The following DLGAP2 variants were observed in gnomAD, a reference collection of about 807,000 sequenced individuals.
DLGAP2 encodes the protein disks large-associated protein 2.
In DLGAP2, 26 loss-of-function variants were observed where a neutral mutation model predicts 100.3. The ratio of observed to expected loss-of-function variants is 0.26; its 90% CI spans 0.19 to 0.36. The LOEUF is 0.36. Among genes scored for constraint, DLGAP2 ranks in the 10% least tolerant of loss-of-function variants. The pLI, the probability that DLGAP2 is intolerant of heterozygous loss-of-function variation, is 1.00. For missense variants in DLGAP2, 1,858 were observed against 1,453.2 expected, an observed-to-expected ratio of 1.28 and a Z score of -4.53; for synonymous variants, 886 against 630.1, an observed-to-expected ratio of 1.41 and a Z score of -6.08.
rs879780945 is a variant in DLGAP2, at chr8:1,170,849, A to G, written c.74-88002A>G. 1.1e-3 allele frequency among the ~76,000 whole-genome samples: 152 copies of G among 144,494 alleles called. No homozygotes were observed. In the East Asian group the frequency reaches 0.02, roughly 19 times the overall value. The allele number at this position is 144,494 out of a possible 152,430, so 94.8% of individuals were successfully genotyped here. ...CAAAAAACCAGCTCCTGGATTCATT[A>G]ATTTTTTGAAGGGTTTTTTGTGTCT... On this transcript the variant is annotated intron_variant, in intron 2 of 14. Coordinates refer to ENST00000637795, the MANE Select transcript of DLGAP2 (RefSeq NM_001346810.2).
At chr8:883,668 C>T (rs1041017967) in intron 1 of DLGAP2, among the ~76,000 whole-genome samples, 21 of 148,282 alleles carry the variant, frequency 1.4e-4, no homozygotes, top group African/African-American at 5.5e-4. Flanking sequence ...TACGTAGGTG[C>T]GCGTGTGCCG....
chr8:1,039,084 C>T (rs1447651314), intron 2 of DLGAP2, among the ~76,000 whole-genome samples: 1 of 152,316 alleles, frequency 6.6e-6, no homozygotes, highest in East Asian at 1.9e-4. Context: ...TGGAAACAAT[C>T]ACCTCATTGG....
chr8:1,098,520 G>A (rs1280124076), intron 2 of DLGAP2, among the ~76,000 whole-genome samples: 1 of 152,114 alleles, frequency 6.6e-6, no homozygotes, highest in East Asian at 1.9e-4. Flanking sequence ...TGTTTGTTGG[G>A]CTTCAGGGAG....
At chr8:1,378,477 C>G (rs1233379210) in intron 3 of DLGAP2, among the ~76,000 whole-genome samples, 1 of 151,712 alleles carries the variant, frequency 6.6e-6, no homozygotes, top group Non-Finnish European at 1.5e-5. Context: ...GCCTGTCCAT[C>G]CTGCACACAC....
chr8:873,041 A>T (rs1357683753), intron 1 of DLGAP2, among the ~76,000 whole-genome samples: 1 of 152,226 alleles, frequency 6.6e-6, no homozygotes, highest in Non-Finnish European at 1.5e-5. Context: ...GCATGTATGC[A>T]TGTGTAGTAT....
At chr8:1,312,676 G>A (rs1047152534) in intron 3 of DLGAP2, among the ~76,000 whole-genome samples, 1 of 152,108 alleles carries the variant, frequency 6.6e-6, no homozygotes, top group Non-Finnish European at 1.5e-5. Flanking sequence ...TATGTCATCT[G>A]TACCAGAATA....
chr8:961,957 A>T (rs750784595), intron 2 of DLGAP2, among the ~76,000 whole-genome samples: 1 of 152,232 alleles, frequency 6.6e-6, no homozygotes, highest in African/African-American at 2.4e-5. Context: ...TATTTTCTCC[A>T]GCGTCATCAT....
At chr8:1,218,856 T>C (rs1798262747) in intron 2 of DLGAP2, among the ~76,000 whole-genome samples, 1 of 152,188 alleles carries the variant, frequency 6.6e-6, no homozygotes, top group Admixed American at 6.5e-5. Context: ...TGGTTAGCTG[T>C]ATTCCTAGGA....
chr8:1,009,581 A>G (rs4410933), intron 2 of DLGAP2, among the ~76,000 whole-genome samples: 55,300 of 152,080 alleles, frequency 0.36, 10,217 homozygotes, highest in Admixed American at 0.4. Flanking sequence ...TCATAGTGGA[A>G]GTGGATGGAG....
At chr8:1,022,032 G>A (rs904687877) in intron 2 of DLGAP2, among the ~76,000 whole-genome samples, 1 of 152,176 alleles carries the variant, frequency 6.6e-6, no homozygotes, top group Non-Finnish European at 1.5e-5. Flanking sequence ...CTTGCAAAGG[G>A]GTGAGTTGTA....
At chr8:780,432 G>C (rs561386116) in intron 1 of DLGAP2, among the ~76,000 whole-genome samples, 40 of 152,342 alleles carry the variant, frequency 2.6e-4, no homozygotes, top group Admixed American at 8.5e-4. Context: ...ATTGTGAGTA[G>C]TGACTGTGCA....
chr8:950,693 C>G (rs1799457226), intron 2 of DLGAP2, among the ~76,000 whole-genome samples: 1 of 147,624 alleles, frequency 6.8e-6, no homozygotes, highest in African/African-American at 2.5e-5. Context: ...ACGATCTTGG[C>G]TCACTGCAAC....
chr8:944,568 T>C (rs1468068030), intron 2 of DLGAP2, among the ~76,000 whole-genome samples: 1 of 149,996 alleles, frequency 6.7e-6, no homozygotes, highest in Non-Finnish European at 1.5e-5. Flanking sequence ...ACCCAGTGGG[T>C]GGTAACATCC....
chr8:830,846 T>A (rs1796768042), intron 1 of DLGAP2, among the ~76,000 whole-genome samples: 1 of 152,166 alleles, frequency 6.6e-6, no homozygotes, highest in Admixed American at 6.6e-5. Flanking sequence ...TGCCTTACTT[T>A]AAAAGCCTTT....
intron 3 of DLGAP2, among the ~76,000 whole-genome samples, chr8:1,274,244 G>T (rs188065361): frequency 6.6e-6 from 1 of 151,782 alleles, no homozygotes; most frequent in Non-Finnish European, 1.5e-5. Flanking sequence ...ATTTAAAATT[G>T]TGAACTCTTC....
intron 1 of DLGAP2, among the ~76,000 whole-genome samples, chr8:839,490 C>G (rs964185462): frequency 6.6e-6 from 1 of 152,190 alleles, no homozygotes; most frequent in East Asian, 1.9e-4. Context: ...ACAAATGCCA[C>G]CTGTGCTCAC....
At chr8:1,682,061 C>T (rs1798964895) in intron 12 of DLGAP2, among the ~76,000 whole-genome samples, 1 of 152,236 alleles carries the variant, frequency 6.6e-6, no homozygotes, top group Admixed American at 6.5e-5. Context: ...AGCACCCCCT[C>T]CACTGCCTGC....
At chr8:978,852 G>C (rs1392397255) in intron 2 of DLGAP2, among the ~76,000 whole-genome samples, 1 of 152,180 alleles carries the variant, frequency 6.6e-6, no homozygotes, top group Admixed American at 6.5e-5. Context: ...CACATTCCCA[G>C]TTAAAAATAA....
chr8:1,200,235 T>G (rs1487329947), intron 2 of DLGAP2, among the ~76,000 whole-genome samples: 2 of 152,190 alleles, frequency 1.3e-5, no homozygotes, highest in Non-Finnish European at 2.9e-5. Flanking sequence ...GCTTCGTGTC[T>G]TTTCCTCACT....
Sources: gnomAD v4.1 joint callset for allele counts (sites outside exome capture counted in the v4.1 genomes callset) on GRCh38, gnomAD v4.1.1 for gene constraint, MANE v1.5 for transcripts, NCBI Gene and HGNC (gene_info 2026-07-23, HGNC 2026-07-21) for gene names.